Variants in SCN3A observed in about 807,000 individuals in gnomAD.
SCN3A encodes sodium channel protein type 3 subunit alpha.
SCN3A carries 60 observed loss-of-function variants against 187.6 expected under a neutral mutation model. The observed-to-expected ratio is 0.32, with a 90% confidence interval of 0.26 to 0.40. The LOEUF (loss-of-function observed/expected upper bound fraction) is 0.40, where lower values mean the gene tolerates loss of function less well. SCN3A is among the 10% of genes least tolerant of loss of function. SCN3A has a pLI of 1.00. For synonymous variants in SCN3A, 788 were observed against 829.2 expected, an observed-to-expected ratio of 0.95 and a Z score of 0.85; for missense variants, 1,601 against 2,428.2, an observed-to-expected ratio of 0.66 and a Z score of 7.16.
At position 165,112,620 on chromosome 2, in the gene SCN3A, G is replaced by A. The variant is rs192233862; in HGVS notation, c.3843+265C>T. On this transcript the variant is annotated intron_variant, in intron 21 of 27. Coordinates refer to ENST00000283254, the MANE Select transcript of SCN3A (RefSeq NM_006922.4). ...TTACTTATCTATTACTTACCTTGAG[G>A]CACTTAACTTTCAGAAAAATAAAAG... Among the ~76,000 whole-genome samples the A allele has an allele frequency of 4.0e-3, 613 of 152,048 alleles. 4 individuals are homozygous for A. Among genetic ancestry groups the A allele is most frequent in the South Asian group, 0.012 (59 of 4,798 alleles).
intron 1 of SCN3A, among the ~76,000 whole-genome samples, chr2:165,189,809 G>A (rs887111451): frequency 6.6e-6 from 1 of 151,912 alleles, no homozygotes; most frequent in Non-Finnish European, 1.5e-5. Context: ...GCATCATTTT[G>A]CATCTTTACT....
chr2:165,127,083 G>A (rs1314275473), intron 18 of SCN3A, among the ~76,000 whole-genome samples: 6 of 151,974 alleles, frequency 3.9e-5, no homozygotes, highest in Non-Finnish European at 8.8e-5. Flanking sequence ...TTTTGAGATA[G>A]GGTCTTGCTT....
chr2:165,128,488 C>G (rs1280931588), intron 17 of SCN3A, among the ~76,000 whole-genome samples: 1 of 151,972 alleles, frequency 6.6e-6, no homozygotes, highest in Non-Finnish European at 1.5e-5. Context: ...CTTACTTCAT[C>G]TTACCATTTT....
In SCN3A at chr2:165,089,396, G is replaced by T. The variant is rs1684973431; in HGVS notation, c.*754C>A. ...TTAGATTACTTTTTGGAAAGCATTTGACCTAAATTAAATATAGAGCTCTGA... is the reference window on the plus strand; with the variant it reads ...TTAGATTACTTTTTGGAAAGCATTTTACCTAAATTAAATATAGAGCTCTGA... On this transcript the variant is annotated 3_prime_UTR_variant, in exon 28 of 28. Coordinates refer to ENST00000283254, the MANE Select transcript of SCN3A (RefSeq NM_006922.4). 6.6e-6 allele frequency: 1 copy of T among 152,498 alleles called. No individual in the cohort carries two copies. The highest frequency in any genetic ancestry group is 2.4e-5 in the African/African-American group (1 of 41,408). 9.4% of individuals were successfully genotyped at this position (152,498 alleles called of 1,614,324 possible). A position where few individuals can be genotyped will look rare whatever the true frequency, so the allele number is the denominator to read the frequency against.
intron 12 of SCN3A, 39 bp from the exon 13 acceptor site, chr2:165,141,037 TA>T: frequency 7.2e-7 from 1 of 1,396,850 alleles, no homozygotes; most frequent in Non-Finnish European, 1.0e-6. Context: ...GGGATGGGGG[TA>T]GGGGAAGAAC....
intron 21 of SCN3A, among the ~76,000 whole-genome samples, chr2:165,103,045 A>C (rs1685681662): frequency 6.6e-6 from 1 of 152,232 alleles, no homozygotes. Context: ...TCTGGTTTGC[A>C]TGACTTAAGC....
intron 18 of SCN3A, among the ~76,000 whole-genome samples, chr2:165,118,022 T>C (rs1686456636): frequency 6.6e-6 from 1 of 152,210 alleles, no homozygotes; most frequent in African/African-American, 2.4e-5. Context: ...TAATAACCAC[T>C]AACCTGAATG....
In SCN3A at chr2:165,138,083, G is replaced by C. The variant is rs1399750023; in HGVS notation, c.2187C>G (p.Cys729Trp). The C allele has an allele frequency of 6.2e-7, 1 of 1,613,454 alleles. No homozygotes were observed. ...LEESRQKCPP[C>W]WYRFANVFLI... ...AGAACACATTGGCAAATCTATACCA[G>C]CATGGCGGACATTTCTGTCTAGATT... Residue 729 changes from cysteine (C) to tryptophan (W), a missense_variant, in exon 15 of 28, where the codon TGC becomes TGG. Around this residue, in one of 11 missense-constraint regions of SCN3A, gnomAD observed 376 missense variants for 476.0 expected, o/e 0.79. Coordinates refer to ENST00000283254, the MANE Select transcript of SCN3A (RefSeq NM_006922.4).
chr2:165,196,396 T>C (rs1479799666), intron 1 of SCN3A, among the ~76,000 whole-genome samples: 1 of 152,150 alleles, frequency 6.6e-6, no homozygotes, highest in Non-Finnish European at 1.5e-5. Context: ...TCTGTTATGA[T>C]AATCATTTTA....
At chr2:165,099,515 G>A (rs1468404414) in intron 22 of SCN3A, among the ~76,000 whole-genome samples, 1 of 152,164 alleles carries the variant, frequency 6.6e-6, no homozygotes, top group East Asian at 1.9e-4. Flanking sequence ...TCAGGGGATC[G>A]AGACCATCCT....
intron 1 of SCN3A, among the ~76,000 whole-genome samples, chr2:165,189,692 T>C (rs1476489383): frequency 1.3e-5 from 2 of 152,208 alleles, no homozygotes; most frequent in Non-Finnish European, 2.9e-5. Flanking sequence ...GTTTGTATCC[T>C]CTTTTGTGGT....
chr2:165,195,219 G>C (rs1307542136), intron 1 of SCN3A: 1 of 152,204 alleles, frequency 6.6e-6, no homozygotes, highest in Non-Finnish European at 1.5e-5. Flanking sequence ...AAACTGACTA[G>C]TGAGGGCAGT....
chr2:165,108,081 T>C (rs975217717), intron 21 of SCN3A, among the ~76,000 whole-genome samples: 1 of 152,182 alleles, frequency 6.6e-6, no homozygotes, highest in African/African-American at 2.4e-5. Context: ...AGTTAACACA[T>C]GTGAAGTGCT....
intron 3 of SCN3A, among the ~76,000 whole-genome samples, chr2:165,170,845 T>G (rs1031060001): frequency 6.6e-6 from 1 of 152,024 alleles, no homozygotes; most frequent in Non-Finnish European, 1.5e-5. Flanking sequence ...CAACTCTATT[T>G]AAAGCTTACC....
Position 165,143,078 on chromosome 2 carries a change from GTGTA to G in SCN3A, c.1672-2084_1672-2081del, listed in dbSNP as rs144332225. 3.9e-3 allele frequency among the ~76,000 whole-genome samples: 599 copies of G among 152,218 alleles called. 5 individuals carry two copies. Among genetic ancestry groups the G allele is most frequent in the African/African-American group, 0.014 (568 of 41,528 alleles). On this transcript the variant is annotated intron_variant, in intron 12 of 27. Transcript: ENST00000283254. ...AGAACTAGTGTTTTGAAACATTTGA[GTGTA>G]TGTGAATCACTCTGAGAGTTAAAAA...
intron 9 of SCN3A, among the ~76,000 whole-genome samples, chr2:165,162,015 T>C (rs964819993): frequency 6.6e-5 from 10 of 152,306 alleles, no homozygotes; most frequent in African/African-American, 2.4e-4. Flanking sequence ...ACAGCTCTGA[T>C]AGATGTACAG....
chr2:165,131,456 A>G (rs1181931142), intron 15 of SCN3A, 39 bp from the exon 16 acceptor site: 1 of 1,451,238 alleles, frequency 6.9e-7, no homozygotes, highest in Admixed American at 1.8e-5. Flanking sequence ...AGAGCACTGA[A>G]AAACACTGAT....
intron 18 of SCN3A, among the ~76,000 whole-genome samples, chr2:165,117,800 A>T (rs1439138596): frequency 2.0e-5 from 3 of 152,148 alleles, no homozygotes; most frequent in African/African-American, 7.2e-5. Flanking sequence ...TTAATAATAA[A>T]AAAGTAATTA....
chr2:165,173,028 T>C (rs78485125), intron 3 of SCN3A, among the ~76,000 whole-genome samples: 3,515 of 152,268 alleles, frequency 0.023, 77 homozygotes, highest in East Asian at 0.086. Context: ...AGGGGAGAGA[T>C]AGATCGTCAT....
Sources: gnomAD v4.1 joint callset for allele counts (sites outside exome capture counted in the v4.1 genomes callset) on GRCh38, gnomAD v4.1.1 for gene constraint, gnomAD v4.1.1 regional missense constraint, MANE v1.5 for transcripts, NCBI Gene and HGNC (gene_info 2026-07-23, HGNC 2026-07-21) for gene names.